VWA3B: variants seen among roughly 807,000 people sequenced by gnomAD.
VWA3B encodes von Willebrand factor A domain-containing protein 3B.
Under a neutral mutation model 158.3 loss-of-function variants are expected in VWA3B, and 138 were observed. The ratio of observed to expected loss-of-function variants is 0.87; its 90% CI spans 0.76 to 1.00. The LOEUF is 1.00. Ranked by LOEUF, VWA3B falls within the 50% of genes least tolerant of loss-of-function variation. The pLI, the probability that VWA3B is intolerant of heterozygous loss-of-function variation, is 0.00. For synonymous variants in VWA3B, 596 were observed against 587.3 expected, an observed-to-expected ratio of 1.01 and a Z score of -0.21; for missense variants, 1,555 against 1,565.1, an observed-to-expected ratio of 0.99 and a Z score of 0.11.
At chr2:98,184,175 T>C (rs1204113038) in intron 9 of VWA3B, among the ~76,000 whole-genome samples, 2 of 152,178 alleles carry the variant, frequency 1.3e-5, no homozygotes, top group African/African-American at 2.4e-5. Context: ...AGAACCTGCC[T>C]CTCTGTGGTG....
At chr2:98,296,540 A>G (rs1280006922) in intron 23 of VWA3B, among the ~76,000 whole-genome samples, 1 of 152,246 alleles carries the variant, frequency 6.6e-6, no homozygotes, top group Non-Finnish European at 1.5e-5. Flanking sequence ...TTGGCCATTT[A>G]AAACAAGACA....
chr2:98,157,539 A>T (rs1262107433), intron 7 of VWA3B, among the ~76,000 whole-genome samples: 1 of 152,146 alleles, frequency 6.6e-6, no homozygotes, highest in Admixed American at 6.5e-5. Context: ...CCAGATCCTC[A>T]TGGTAATTTT....
chr2:98,206,280 G>A (rs1393989029), intron 12 of VWA3B: 1 of 157,628 alleles, frequency 6.3e-6, no homozygotes, highest in Non-Finnish European at 1.4e-5. Context: ...AATCTACCAG[G>A]AAATATGGGC....
intron 21 of VWA3B, among the ~76,000 whole-genome samples, chr2:98,259,906 C>A (rs895164338): frequency 3.3e-5 from 5 of 151,770 alleles, no homozygotes; most frequent in African/African-American, 4.8e-5. Context: ...TTTGCTGCAC[C>A]CATAAATTTG....
chr2:98,177,630 T>C (rs1383275987), intron 8 of VWA3B, among the ~76,000 whole-genome samples: 1 of 152,038 alleles, frequency 6.6e-6, no homozygotes, highest in Non-Finnish European at 1.5e-5. Flanking sequence ...TGCTTGGTCA[T>C]CCTTTCTTTC....
intron 2 of VWA3B, among the ~76,000 whole-genome samples, chr2:98,094,461 T>C (rs1252333151): frequency 1.3e-5 from 2 of 152,226 alleles, no homozygotes; most frequent in African/African-American, 2.4e-5. Context: ...TCAGGACTTT[T>C]GTCCATTTAA....
chr2:98,189,431 T>C (rs1181762408), intron 10 of VWA3B, among the ~76,000 whole-genome samples: 2 of 152,228 alleles, frequency 1.3e-5, no homozygotes, highest in African/African-American at 4.8e-5. Context: ...TCCTGATAGC[T>C]TTTGTTACTG....
rs182310775 is a variant in VWA3B, at chr2:98,235,477, G to C, written c.2428+710G>C. 6.4e-3 allele frequency among the ~76,000 whole-genome samples: 975 copies of C among 151,496 alleles called. 6 individuals are homozygous for C. Among genetic ancestry groups the C allele is most frequent in the African/African-American group, 0.023 (930 of 41,244 alleles). On this transcript the variant is annotated intron_variant, in intron 17 of 27. Transcript: ENST00000477737. ...GTCTCACTTTGTTACCTAGGCTGGA[G>C]TGCAGTGGCGTGATCTCGGCTCACT... is the stretch of plus-strand genomic sequence containing the variant.
intron 8 of VWA3B, among the ~76,000 whole-genome samples, chr2:98,175,248 T>C (rs946752077): frequency 6.6e-6 from 1 of 152,084 alleles, no homozygotes; most frequent in Non-Finnish European, 1.5e-5. Flanking sequence ...CCTTACTAGA[T>C]AAAGATATTA....
At chr2:98,295,472 C>A (rs1380954060) in intron 23 of VWA3B, among the ~76,000 whole-genome samples, 1 of 152,194 alleles carries the variant, frequency 6.6e-6, no homozygotes, top group Non-Finnish European at 1.5e-5. Context: ...TCCATAGGAG[C>A]ACAGGCCCTT....
chr2:98,263,134 G>A (rs748070449), intron 21 of VWA3B, among the ~76,000 whole-genome samples: 1 of 151,760 alleles, frequency 6.6e-6, no homozygotes, highest in Non-Finnish European at 1.5e-5. Context: ...TATCCTTTAA[G>A]TTTGCTGAAT....
At chr2:98,209,601 T>C (rs1683331558) in intron 12 of VWA3B, among the ~76,000 whole-genome samples, 1 of 152,044 alleles carries the variant, frequency 6.6e-6, no homozygotes, top group Admixed American at 6.6e-5. Flanking sequence ...TTTTTTTCAG[T>C]CATTACTTTT....
intron 1 of VWA3B, 128 bp from the exon 2 acceptor site, chr2:98,092,933 T>C (rs1682450866): frequency 5.1e-6 from 3 of 590,134 alleles, no homozygotes; most frequent in South Asian, 6.2e-5. Context: ...AATATACATG[T>C]ATAATTTTAA....
chr2:98,193,598 C>CTT (rs376090829), intron 11 of VWA3B, among the ~76,000 whole-genome samples: 13 of 142,892 alleles, frequency 9.1e-5, no homozygotes, highest in Admixed American at 7.0e-5. Context: ...ACAAAATGCA[C>CTT]TTTTTTTTTT....
Position 98,133,745 on chromosome 2 carries a change from G to A in VWA3B, c.873-79G>A, listed in dbSNP as rs1032487627. On this transcript the variant is annotated intron_variant, in intron 6 of 27. Coordinates refer to ENST00000477737, the MANE Select transcript of VWA3B (RefSeq NM_144992.5). Reference sequence around the variant, plus strand: ...GATGCCCAGTGCTGCCGAAGAGCACGTTCAGTCCCAGGAGAAGGAACAAGC... The same window carrying A: ...GATGCCCAGTGCTGCCGAAGAGCACATTCAGTCCCAGGAGAAGGAACAAGC... 48 of 1,248,770 alleles carry A rather than the reference G, an allele frequency of 3.8e-5. No homozygotes were observed. The Admixed American group carries it at 5.8e-4, about 15-fold the overall frequency. 77.4% of individuals were successfully genotyped at this position (1,248,770 alleles called of 1,614,324 possible).
rs771590251 is a variant in VWA3B at position 98,189,203 on chromosome 2, C to T, written c.1466+1074C>T. On this transcript the variant is annotated intron_variant, in intron 10 of 27. Coordinates refer to ENST00000477737, the MANE Select transcript of VWA3B (RefSeq NM_144992.5). ...GGGGTGGATCATGAGGTCAGGAGTT[C>T]GAGACCAGCCTGGCCAACATAGTGA... Among the ~76,000 whole-genome samples the T allele has an allele frequency of 2.6e-5, 4 of 152,252 alleles. No individual in the cohort carries two copies. In the East Asian group the frequency reaches 7.7e-4, roughly 29 times the overall value.
At chr2:98,323,974 A>C in the VWA3B span, among the ~76,000 whole-genome samples, 866 of 152,306 alleles carry the variant, frequency 5.7e-3, 4 homozygotes, top group African/African-American at 0.02. Flanking sequence ...AGGCTAAGAA[A>C]AGACATGGTA....
At chr2:98,112,164 A>AG (rs963158848) in intron 2 of VWA3B, among the ~76,000 whole-genome samples, 1 of 152,124 alleles carries the variant, frequency 6.6e-6, no homozygotes, top group Non-Finnish European at 1.5e-5. Flanking sequence ...TTTATTGAAT[A>AG]GGGAGTCCTT....
intron 7 of VWA3B, among the ~76,000 whole-genome samples, chr2:98,155,704 G>T (rs1393027995): frequency 6.6e-6 from 1 of 152,160 alleles, no homozygotes; most frequent in Non-Finnish European, 1.5e-5. Flanking sequence ...GTGACACTTA[G>T]AACCAGTAGA....
Sources: gnomAD v4.1 joint callset for allele counts (sites outside exome capture counted in the v4.1 genomes callset) on GRCh38, gnomAD v4.1.1 for gene constraint, MANE v1.5 for transcripts, NCBI Gene and HGNC (gene_info 2026-07-23, HGNC 2026-07-21) for gene names.